CYP46A1: variants seen among roughly 807,000 people sequenced by gnomAD.
CYP46A1 encodes cholesterol 24-hydroxylase.
In CYP46A1, 20 loss-of-function variants were observed where a neutral mutation model predicts 63.3. The observed-to-expected ratio is 0.32, with a 90% CI of 0.22 to 0.46. The LOEUF (loss-of-function observed/expected upper bound fraction) is 0.46. Among genes scored for constraint, CYP46A1 ranks in the 20% least tolerant of loss-of-function variants. The pLI is 1.00. For synonymous variants in CYP46A1, 268 were observed against 273.6 expected, an observed-to-expected ratio of 0.98 and a Z score of 0.20; for missense variants, 445 against 670.8, an observed-to-expected ratio of 0.66 and a Z score of 3.72.
At chr14:99,717,984 A>G in intron 9 of CYP46A1, 70 bp from the exon 10 acceptor site, 2 of 1,251,786 alleles carry the variant, frequency 1.6e-6, no homozygotes. Context: ...GCTGGCATAG[A>G]GGCAGGCACA....
chr14:99,685,096 C>G (rs1277002046), intron 1 of CYP46A1, among the ~76,000 whole-genome samples: 1 of 33,160 alleles, frequency 3.0e-5, no homozygotes, highest in African/African-American at 9.3e-5. Flanking sequence ...CAACCCCCCC[C>G]CACCCCCAGC....
At chr14:99,726,020 C>G (rs1213840392) in intron 13 of CYP46A1, among the ~76,000 whole-genome samples, 170 bp from the exon 14 acceptor site, 2 of 152,208 alleles carry the variant, frequency 1.3e-5, no homozygotes, top group African/African-American at 4.8e-5. Flanking sequence ...AAAAAGAATG[C>G]AGATCCAGCC....
At chr14:99,694,916 G>A (rs1366609677) in intron 3 of CYP46A1, among the ~76,000 whole-genome samples, 5 of 152,326 alleles carry the variant, frequency 3.3e-5, no homozygotes, top group Admixed American at 3.3e-4. Context: ...CTGTTCTAAT[G>A]TAAGCATTTA....
chr14:99,710,766 C>T (rs1326361468), intron 7 of CYP46A1: 2 of 152,140 alleles, frequency 1.3e-5, no homozygotes, highest in Non-Finnish European at 1.5e-5. Flanking sequence ...ATCATCTAGA[C>T]AGAAAATCAT....
intron 8 of CYP46A1, 33 bp downstream of exon 8, chr14:99,715,993 C>A (rs376623935): frequency 2.0e-5 from 11 of 557,906 alleles, no homozygotes; most frequent in Non-Finnish European, 3.7e-5. Context: ...CTGGGGAGGG[C>A]GGGGTGGGCC....
At chr14:99,691,723 G>T in intron 2 of CYP46A1, 57 bp from the exon 3 acceptor site, 1 of 1,520,752 alleles carries the variant, frequency 6.6e-7, no homozygotes, top group South Asian at 1.1e-5. Flanking sequence ...GGGCGGGGTT[G>T]GTGATGGTCA....
intron 12 of CYP46A1, among the ~76,000 whole-genome samples, chr14:99,723,830 G>A: frequency 6.6e-6 from 1 of 152,346 alleles, no homozygotes; most frequent in South Asian, 2.1e-4. Flanking sequence ...TCAAAGTTGA[G>A]CTTGTAACTA....
At chr14:99,694,100 C>T (rs1037194700) in intron 3 of CYP46A1, among the ~76,000 whole-genome samples, 1 of 152,156 alleles carries the variant, frequency 6.6e-6, no homozygotes, top group African/African-American at 2.4e-5. Flanking sequence ...TCGCATCTGA[C>T]TTATTTCACT....
chr14:99,690,409 T>C (rs1217244980), intron 1 of CYP46A1, among the ~76,000 whole-genome samples: 1 of 152,232 alleles, frequency 6.6e-6, no homozygotes, highest in Non-Finnish European at 1.5e-5. Context: ...CTTGTTTATT[T>C]ACTCTCCGCC....
At chr14:99,723,439 G>A (rs772233121) in intron 12 of CYP46A1, among the ~76,000 whole-genome samples, 2 of 152,182 alleles carry the variant, frequency 1.3e-5, no homozygotes, top group African/African-American at 4.8e-5. Flanking sequence ...CTCCCGAGTA[G>A]CTGGGACTAC....
At chr14:99,698,113 C>T (rs1010641082) in intron 3 of CYP46A1, among the ~76,000 whole-genome samples, 1 of 151,956 alleles carries the variant, frequency 6.6e-6, no homozygotes, top group Non-Finnish European at 1.5e-5. Flanking sequence ...GATATTAAAC[C>T]CCCAGGAGCT....
intron 3 of CYP46A1, chr14:99,695,357 T>C (rs1368632819): frequency 1.4e-5 from 5 of 355,810 alleles, no homozygotes; most frequent in Non-Finnish European, 2.8e-5. Context: ...ATTTTCTGTC[T>C]ACTTGTTCTA....
intron 7 of CYP46A1, among the ~76,000 whole-genome samples, chr14:99,714,728 C>T (rs981384126): frequency 6.0e-5 from 9 of 149,180 alleles, no homozygotes; most frequent in African/African-American, 2.0e-4. Flanking sequence ...CCATTGCACT[C>T]CAGCCTGGGC....
At chr14:99,712,210 C>T (rs2056739770) in intron 7 of CYP46A1, 1 of 152,280 alleles carries the variant, frequency 6.6e-6, no homozygotes, top group South Asian at 2.1e-4. Flanking sequence ...AAAAGTCTTT[C>T]CTTTAAGAAC....
Position 99,716,139 on chromosome 14 carries a change from G to C in CYP46A1, c.847G>C (p.Glu283Gln). 1 of 1,614,258 alleles carries C rather than the reference G, an allele frequency of 6.2e-7. No individual in the cohort carries two copies. The highest frequency in any genetic ancestry group is 8.5e-7 in the Non-Finnish European group (1 of 1,180,032). Residue 283 changes from glutamate (E) to glutamine (Q), a missense_variant and splice_region_variant, in exon 9 of 15, where the codon GAA becomes CAA. By Grantham distance (29) the Glu-to-Gln change is conservative. Around this residue, in one of 4 missense-constraint regions of CYP46A1, gnomAD observed 252 missense variants for 383.3 expected, o/e 0.66. Coordinates refer to ENST00000261835, the MANE Select transcript of CYP46A1 (RefSeq NM_006668.2). ...CTGAGACTCTCCTTGTTTTTCAGCT[G>C]AAGAGGGAGCCCAGGACGACGAGGG... The part of the protein sequence containing the change: ...ADILTQILKA[E>Q]EGAQDDEGLL...
intron 1 of CYP46A1, among the ~76,000 whole-genome samples, chr14:99,685,585 G>T (rs994378310): frequency 6.6e-6 from 1 of 151,920 alleles, no homozygotes; most frequent in Non-Finnish European, 1.5e-5. Flanking sequence ...AGTGCCTGGC[G>T]TGTTGCAGAT....
At chr14:99,690,577 A>G (rs2056534896) in intron 1 of CYP46A1, among the ~76,000 whole-genome samples, 1 of 152,240 alleles carries the variant, frequency 6.6e-6, no homozygotes, top group Non-Finnish European at 1.5e-5. Flanking sequence ...TGAACACAGC[A>G]GATTTATATG....
Position 99,703,985 on chromosome 14 carries a change from C to A in CYP46A1, c.444-2662C>A, listed in dbSNP as rs912569872. Reference sequence around the variant, plus strand: ...GGCCAGCCAAGCAAACTTCAGGAAGCTTTGAGGTTATGGGAAACATCAATT... The same window carrying A: ...GGCCAGCCAAGCAAACTTCAGGAAGATTTGAGGTTATGGGAAACATCAATT... On this transcript the variant is annotated intron_variant, in intron 5 of 14. Transcript: ENST00000261835. Among the ~76,000 whole-genome samples the A allele has an allele frequency of 3.9e-5, 6 of 152,292 alleles. No individual in the cohort carries two copies. In the East Asian group the frequency reaches 1.2e-3, roughly 29 times the overall value.
At chr14:99,702,527 T>C (rs2056640860) in intron 5 of CYP46A1, among the ~76,000 whole-genome samples, 1 of 152,166 alleles carries the variant, frequency 6.6e-6, no homozygotes, top group South Asian at 2.1e-4. Context: ...GAAGGTAATC[T>C]TTGATATAAT....
Sources: allele counts gnomAD v4.1 joint callset (sites outside exome capture counted in the v4.1 genomes callset), GRCh38; gene constraint gnomAD v4.1.1; regional missense constraint gnomAD v4.1.1; transcripts MANE v1.5; gene names NCBI Gene and HGNC (gene_info 2026-07-23, HGNC 2026-07-21).